ZNF462: variants seen among roughly 807,000 people sequenced by gnomAD.
ZNF462 encodes the protein zinc finger protein 462.
Under a neutral mutation model 201.9 loss-of-function variants are expected in ZNF462, and 10 were observed. That is an observed-to-expected ratio of 0.05 (90% CI 0.03 to 0.08). ZNF462 has a LOEUF of 0.08. ZNF462 is among the 10% of genes least tolerant of loss of function. ZNF462 has a pLI of 1.00. For synonymous variants in ZNF462, 1,227 were observed against 1,193.3 expected, an observed-to-expected ratio of 1.03 and a Z score of -0.58; for missense variants, 2,523 against 3,168.3, an observed-to-expected ratio of 0.80 and a Z score of 4.89.
upstream of ZNF462, among the ~76,000 whole-genome samples, chr9:106,860,281 G>A (rs1489218897): frequency 6.6e-6 from 1 of 152,210 alleles, no homozygotes; most frequent in Admixed American, 6.5e-5. The surrounding 1 kb of genome is among the most constrained non-coding windows in gnomAD (Gnocchi z 7.1). Flanking sequence ...CACCGCAGTC[G>A]GTCCGCCAGC....
rs75391110 is a variant in ZNF462, at chr9:106,993,444, T to G, written c.7056+9035T>G. 6.6e-6 allele frequency among the ~76,000 whole-genome samples: 1 copy of G among 152,092 alleles called. No individual in the cohort carries two copies. On this transcript the variant is annotated intron_variant, in intron 10 of 12. Coordinates refer to ENST00000277225, the MANE Select transcript of ZNF462 (RefSeq NM_021224.6). This position sits in a 1 kb window ranked among gnomAD's most constrained non-coding sequence, Gnocchi z 4.0. Reference sequence around the variant, plus strand: ...TAAACACAATCTTTCCTCCTAGATCTTTATCTTTGTTACTAGTGAGCGAGG... The same window carrying G: ...TAAACACAATCTTTCCTCCTAGATCGTTATCTTTGTTACTAGTGAGCGAGG...
At position 106,925,164 on chromosome 9, in the gene ZNF462, G is replaced by A; in HGVS notation, c.1252G>A (p.Gly418Ser). The A allele has an allele frequency of 1.2e-6, 2 of 1,614,172 alleles. No homozygotes were observed. The highest frequency in any genetic ancestry group is 8.5e-7 in the Non-Finnish European group (1 of 1,180,036). Residue 418 changes from glycine (G) to serine (S), a missense_variant, in exon 3 of 13, where the codon GGC (glycine) becomes AGC (serine). Gly to Ser is a moderately conservative substitution (Grantham distance 56). Transcript: ENST00000277225. This position sits in a 1 kb window ranked among gnomAD's most constrained non-coding sequence, Gnocchi z 7.9. ...TSGLSAEQLM[G>S]SDGNKLLETK... ...AGGCCTGTCTGCAGAGCAGCTGATG[G>A]GCTCAGATGGCAACAAATTATTGGA...
intron 1 of ZNF462, among the ~76,000 whole-genome samples, chr9:106,869,217 G>T (rs916789961): frequency 6.6e-6 from 1 of 152,152 alleles, no homozygotes; most frequent in Admixed American, 6.5e-5. Context: ...CTGATGAATG[G>T]CTGAGAGGGT....
Position 106,928,267 on chromosome 9 carries a change from C to G in ZNF462, c.4355C>G (p.Pro1452Arg), listed in dbSNP as rs1268200485. The change falls in exon 3 of 13, where the codon CCT becomes CGT. Residue 1452 changes from proline to arginine, a missense_variant. Pro to Arg is a moderately radical substitution (Grantham distance 103, BLOSUM62 -2). Around this residue, in one of 15 missense-constraint regions of ZNF462, gnomAD observed 165 missense variants for 142.6 expected, o/e 1.16. Coordinates refer to ENST00000277225, the MANE Select transcript of ZNF462 (RefSeq NM_021224.6). This position sits in a 1 kb window ranked among gnomAD's most constrained non-coding sequence, Gnocchi z 9.3. ...AECPEDARLS[P>R]EKSLQLASAN... ...TGTCCAGAGGATGCAAGACTGTCCCCTGAGAAAAGCCTGCAGCTAGCTTCA... is the reference window on the plus strand; with the variant it reads ...TGTCCAGAGGATGCAAGACTGTCCCGTGAGAAAAGCCTGCAGCTAGCTTCA... 8.1e-6 allele frequency: 13 copies of G among 1,613,744 alleles called. No individual in the cohort carries two copies. The highest frequency in any genetic ancestry group is 9.3e-6 in the Non-Finnish European group (11 of 1,179,988).
At chr9:106,868,503 C>T (rs544140183) in intron 1 of ZNF462, among the ~76,000 whole-genome samples, 120 of 152,210 alleles carry the variant, frequency 7.9e-4, no homozygotes, top group African/African-American at 2.8e-3. Flanking sequence ...GCAGAAATTA[C>T]CAAAATTATT....
chr9:106,862,873 G>A (rs1827116303), upstream of ZNF462, among the ~76,000 whole-genome samples: 1 of 151,568 alleles, frequency 6.6e-6, no homozygotes, highest in Non-Finnish European at 1.5e-5. The surrounding 1 kb of genome is among the most constrained non-coding windows in gnomAD (Gnocchi z 4.2). Flanking sequence ...TCTGCTGCAC[G>A]TTGTTGTTGT....
rs958036791 is a variant in ZNF462, at chr9:106,933,327, G to A, written c.6116+778G>A. On this transcript the variant is annotated intron_variant, in intron 5 of 12. Coordinates refer to ENST00000277225, the MANE Select transcript of ZNF462 (RefSeq NM_021224.6). This position sits in a 1 kb window ranked among gnomAD's most constrained non-coding sequence, Gnocchi z 4.3. ...AAAGATAAAGGGCCAGTTAGTGGTT[G>A]TTGAACAGAAGAAGGAGGTGGTGTT... The A allele has an allele frequency of 2.0e-5, 3 of 152,406 alleles. No homozygotes were observed. The highest frequency in any genetic ancestry group is 7.2e-5 in the African/African-American group (3 of 41,444). 9.4% of individuals were successfully genotyped at this position (152,406 alleles called of 1,614,324 possible).
intron 9 of ZNF462, among the ~76,000 whole-genome samples, chr9:106,983,425 T>C (rs116515284): frequency 0.021 from 3,230 of 152,294 alleles, 109 homozygotes; most frequent in African/African-American, 0.073. Context: ...AGTTGGAGTT[T>C]TAGTGAATGA....
rs752180046 is a variant in ZNF462 at position 106,933,715 on chromosome 9, T to C, written c.6116+1166T>C. 6.6e-6 allele frequency among the ~76,000 whole-genome samples: 1 copy of C among 152,116 alleles called. No homozygotes were observed. Among genetic ancestry groups the C allele is most frequent in the Non-Finnish European group, 1.5e-5 (1 of 68,024 alleles). On this transcript the variant is annotated intron_variant, in intron 5 of 12. Coordinates refer to ENST00000277225, the MANE Select transcript of ZNF462 (RefSeq NM_021224.6). This position sits in a 1 kb window ranked among gnomAD's most constrained non-coding sequence, Gnocchi z 4.3. ...AAAATATCAGTAAAATACTATGATG[T>C]GTCAAAGAAGAGAAATGTTACATCA...
At chr9:106,971,860 C>T (rs1254472207) in intron 7 of ZNF462, 145 bp from the exon 8 acceptor site, 12 of 962,258 alleles carry the variant, frequency 1.2e-5, no homozygotes, top group Middle Eastern at 3.4e-4. Context: ...TCATCTTGTA[C>T]ACCTTAAGTA....
At position 106,930,763 on chromosome 9, in the gene ZNF462, C is replaced by T; in HGVS notation, c.6012+74C>T. On this transcript the variant is annotated intron_variant, in intron 4 of 12. Transcript: ENST00000277225. The surrounding 1 kb of genome is among the most constrained non-coding windows in gnomAD (Gnocchi z 5.8). ...TACTTATTAACCCCATTGCCTAAAG[C>T]AGCTCAGGAAAGAGCATCTCAGAAT... 6.4e-7 allele frequency: 1 copy of T among 1,562,176 alleles called. No individual in the cohort carries two copies. The highest frequency in any genetic ancestry group is 1.2e-5 in the South Asian group (1 of 85,988).
At chr9:107,000,570 TA>T in intron 10 of ZNF462, among the ~76,000 whole-genome samples, 1 of 152,320 alleles carries the variant, frequency 6.6e-6, no homozygotes, top group Admixed American at 6.5e-5. Flanking sequence ...GTTTTTATTT[TA>T]AAATCTTCTA....
chr9:106,965,411 G>C (rs1832028621), intron 7 of ZNF462, among the ~76,000 whole-genome samples: 1 of 151,944 alleles, frequency 6.6e-6, no homozygotes, highest in Non-Finnish European at 1.5e-5. Context: ...AGAAACACCA[G>C]GTAGGAGACT....
At chr9:106,863,012 A>C, upstream of ZNF462, 1 of 393,962 alleles carries the variant, frequency 2.5e-6, no homozygotes, top group East Asian at 3.6e-5. Flanking sequence ...AGAGAGACAC[A>C]GAGGGAGGGA....
At chr9:106,955,231 G>T (rs2131827594) in intron 7 of ZNF462, among the ~76,000 whole-genome samples, 1 of 152,212 alleles carries the variant, frequency 6.6e-6, no homozygotes, top group African/African-American at 2.4e-5. Flanking sequence ...TTGCGGGTTT[G>T]GTTCCAGACC....
At chr9:106,986,455 C>T (rs1382112588) in intron 10 of ZNF462, among the ~76,000 whole-genome samples, 2 of 152,142 alleles carry the variant, frequency 1.3e-5, no homozygotes, top group African/African-American at 2.4e-5. Context: ...CCTGTATCTC[C>T]TCCACTTTGA....
chr9:106,866,715 C>T (rs1003403023), intron 1 of ZNF462, among the ~76,000 whole-genome samples: 14 of 152,066 alleles, frequency 9.2e-5, no homozygotes, highest in Non-Finnish European at 1.3e-4. Flanking sequence ...AGTGAAATTT[C>T]GCCAATATTA....
intron 7 of ZNF462, among the ~76,000 whole-genome samples, chr9:106,953,148 A>G (rs528239802): frequency 2.0e-5 from 3 of 152,140 alleles, no homozygotes; most frequent in Non-Finnish European, 4.4e-5. Flanking sequence ...CCCAACTTCT[A>G]CTTTCTCACC....
rs1052808125 is a variant in ZNF462 at position 107,003,614 on chromosome 9, C to T, written c.7189+188C>T. On this transcript the variant is annotated intron_variant, in intron 11 of 12. Coordinates refer to ENST00000277225, the MANE Select transcript of ZNF462 (RefSeq NM_021224.6). This position sits in a 1 kb window ranked among gnomAD's most constrained non-coding sequence, Gnocchi z 4.4. ...TGTAAACTATTACCAGCTATAGAAACGCCAAGGAAAACAGACATTTTCTCC... is the reference window on the plus strand; with the variant it reads ...TGTAAACTATTACCAGCTATAGAAATGCCAAGGAAAACAGACATTTTCTCC... 5.3e-5 allele frequency among the ~76,000 whole-genome samples: 8 copies of T among 152,044 alleles called. No individual in the cohort carries two copies. The highest frequency in any genetic ancestry group is 4.6e-4 in the Admixed American group (7 of 15,268).
Sources: allele counts gnomAD v4.1 joint callset (sites outside exome capture counted in the v4.1 genomes callset), GRCh38; gene constraint gnomAD v4.1.1; regional missense constraint gnomAD v4.1.1; non-coding constraint Gnocchi (gnomAD v3.1); transcripts MANE v1.5; gene names NCBI Gene and HGNC (gene_info 2026-07-23, HGNC 2026-07-21).